Variants in ST7 observed in about 807,000 individuals in gnomAD.
ST7 encodes the protein suppression of tumorigenicity 7.
ST7 carries 28 observed loss-of-function variants against 78.7 expected under a neutral mutation model. The observed-to-expected ratio is 0.36, with a 90% confidence interval of 0.26 to 0.49. ST7 has a LOEUF of 0.49. Among genes scored for constraint, ST7 ranks in the 20% least tolerant of loss-of-function variants. ST7 has a pLI of 0.99. For synonymous variants in ST7, 247 were observed against 249.6 expected (o/e 0.99, Z 0.10); for missense variants, 418 against 696.0 (o/e 0.60, Z 4.49).
At chr7:117,098,597 T>C (rs1223143507) in intron 1 of ST7, 1 of 286,998 alleles carries the variant, frequency 3.5e-6, no homozygotes, top group Non-Finnish European at 6.9e-6. Flanking sequence ...TTACCCATTG[T>C]CTCATTCATA....
Position 117,193,424 on chromosome 7 carries a change from C to T in ST7, c.1254+2488C>T, listed in dbSNP as rs946840208. Among the ~76,000 whole-genome samples, 4 of 152,182 alleles carry T rather than the reference C, an allele frequency of 2.6e-5. No individual in the cohort carries two copies. In the East Asian group the frequency reaches 7.7e-4, roughly 29 times the overall value. ...TATATAAGCCCTCTCACTTATTTTT[C>T]ATAACAACTCTGTGAGGTGTATTAT... is the stretch of plus-strand genomic sequence containing the variant. On this transcript the variant is annotated intron_variant, in intron 12 of 15. Transcript: ENST00000323984.
intron 1 of ST7, among the ~76,000 whole-genome samples, chr7:116,974,449 G>A (rs1369077441): frequency 1.3e-5 from 2 of 151,768 alleles, no homozygotes; most frequent in Admixed American, 6.6e-5. Flanking sequence ...CTGCCACCAC[G>A]CCCAGCTAAT....
At chr7:117,196,624 C>CTTTTTTTTTTTT (rs56133709) in intron 12 of ST7, among the ~76,000 whole-genome samples, 3 of 59,518 alleles carry the variant, frequency 5.0e-5, no homozygotes, top group African/African-American at 1.3e-4. Flanking sequence ...GATTGTTGGG[C>CTTTTTTTTTTTT]TTTTTTTTTT....
At chr7:117,057,273 A>G (rs183969487) in intron 1 of ST7, among the ~76,000 whole-genome samples, 2 of 152,274 alleles carry the variant, frequency 1.3e-5, no homozygotes, top group East Asian at 3.9e-4. Context: ...TCTGAAAGTG[A>G]CTTTCTTTTG....
chr7:117,012,780 G>A (rs961450768), intron 1 of ST7, among the ~76,000 whole-genome samples: 3 of 152,176 alleles, frequency 2.0e-5, no homozygotes, highest in Admixed American at 6.5e-5. Flanking sequence ...TATGTAGTAA[G>A]TGGCTGAGAT....
chr7:117,081,618 G>A (rs182307137), intron 1 of ST7, among the ~76,000 whole-genome samples: 1 of 152,200 alleles, frequency 6.6e-6, no homozygotes, highest in African/African-American at 2.4e-5. Flanking sequence ...CTCTAAAGTA[G>A]TTTTTGTTTA....
chr7:117,145,486 C>T (rs966852113), intron 9 of ST7: 1 of 152,188 alleles, frequency 6.6e-6, no homozygotes, highest in East Asian at 1.9e-4. Flanking sequence ...ATTGCCTCTT[C>T]CAGCTTCTGG....
intron 1 of ST7, among the ~76,000 whole-genome samples, chr7:117,059,856 G>A (rs1177787784): frequency 6.7e-6 from 1 of 150,072 alleles, no homozygotes; most frequent in Non-Finnish European, 1.5e-5. Flanking sequence ...GGTAATGTGT[G>A]CCTGTAGTCC....
intron 1 of ST7, among the ~76,000 whole-genome samples, chr7:116,960,964 G>A (rs1792795460): frequency 6.6e-6 from 1 of 152,132 alleles, no homozygotes; most frequent in South Asian, 2.1e-4. Context: ...TTACATTTAA[G>A]TCTCTAATCC....
chr7:117,149,056 A>G (rs1296554411), intron 9 of ST7, among the ~76,000 whole-genome samples: 2 of 152,190 alleles, frequency 1.3e-5, no homozygotes, highest in African/African-American at 2.4e-5. Flanking sequence ...TAAATAATCA[A>G]TGCAAAAGCG....
At chr7:117,229,439 G>T (rs1793650009) in intron 15 of ST7, among the ~76,000 whole-genome samples, 1 of 152,190 alleles carries the variant, frequency 6.6e-6, no homozygotes, top group Admixed American at 6.5e-5. Flanking sequence ...TGTCATTCCT[G>T]TTTGACGACA....
At chr7:116,972,437 C>T in intron 1 of ST7, 1 of 739,728 alleles carries the variant, frequency 1.4e-6, no homozygotes, top group Non-Finnish European at 2.3e-6. Flanking sequence ...CTGATCTGCT[C>T]ATCCATCTCT....
rs751549285 is a variant in ST7 at position 117,097,908 on chromosome 7, A to ATTTTTTT, written c.152-1840_152-1834dup. Among the ~76,000 whole-genome samples, 19 of 30,012 alleles carry ATTTTTTT rather than the reference A, an allele frequency of 6.3e-4. 2 individuals are homozygous for ATTTTTTT. Among genetic ancestry groups the ATTTTTTT allele is most frequent in the Non-Finnish European group, 4.8e-4 (9 of 18,598 alleles). 19.7% of individuals were successfully genotyped at this position (30,012 alleles called of 152,430 possible). A position where few individuals can be genotyped will look rare whatever the true frequency, so the allele number is the denominator to read the frequency against. ...TATATATATATATATATATATATAT[A>ATTTTTTT]TTTTTTTTTTTTTTTTTTTTGATGG... On this transcript the variant is annotated intron_variant, in intron 1 of 15. Coordinates refer to ENST00000323984, the MANE Select transcript of ST7 (RefSeq NM_001369598.1).
Position 117,132,343 on chromosome 7 carries a change from A to G in ST7, c.641+383A>G, listed in dbSNP as rs76493883. Among the ~76,000 whole-genome samples, 124 of 151,954 alleles carry G rather than the reference A, an allele frequency of 8.2e-4. No individual in the cohort carries two copies. In the East Asian group the frequency reaches 0.018, roughly 23 times the overall value. On this transcript the variant is annotated intron_variant, in intron 6 of 15. Transcript: ENST00000323984. The stretch of plus-strand genomic sequence containing the variant: ...AGTAGAACTTCTGCTAGTGGGGAAA[A>G]CATGATAACAACATAAGGTTTAAAA...
At chr7:116,968,972 A>C (rs1315403716) in intron 1 of ST7, among the ~76,000 whole-genome samples, 12 of 152,214 alleles carry the variant, frequency 7.9e-5, no homozygotes, top group Non-Finnish European at 1.3e-4. Flanking sequence ...GATATATTTT[A>C]CCTGTATAGA....
At chr7:117,161,585 TTC>T (rs1241728725) in intron 9 of ST7, among the ~76,000 whole-genome samples, 1 of 103,904 alleles carries the variant, frequency 9.6e-6, no homozygotes, top group Non-Finnish European at 2.0e-5. Context: ...TTTGTTTTCT[TTC>T]TTTCTTTTTT....
At chr7:117,166,881 T>G (rs1206143974) in intron 9 of ST7, among the ~76,000 whole-genome samples, 1 of 147,530 alleles carries the variant, frequency 6.8e-6, no homozygotes, top group East Asian at 2.0e-4. Context: ...AGAGCCAGAC[T>G]CTGTCTCTCA....
intron 13 of ST7, among the ~76,000 whole-genome samples, chr7:117,218,766 T>C (rs575384885): frequency 1.2e-4 from 18 of 152,332 alleles, no homozygotes; most frequent in African/African-American, 3.6e-4. Context: ...ATTGAATTAG[T>C]GCCCATAACA....
intron 1 of ST7, among the ~76,000 whole-genome samples, chr7:117,082,953 G>C (rs1200191884): frequency 2.6e-5 from 4 of 152,204 alleles, no homozygotes; most frequent in Non-Finnish European, 4.4e-5. Context: ...CGCTCTGTTT[G>C]TAATACCATA....
Sources: allele counts gnomAD v4.1 joint callset (sites outside exome capture counted in the v4.1 genomes callset), GRCh38; gene constraint gnomAD v4.1.1; transcripts MANE v1.5; gene names NCBI Gene and HGNC (gene_info 2026-07-23, HGNC 2026-07-21).